The following AMD1 variants were observed in gnomAD, a reference collection of about 807,000 sequenced individuals.
AMD1 encodes the protein adenosylmethionine decarboxylase 1.
In AMD1, 11 loss-of-function variants were observed where a neutral mutation model predicts 40.2. That is an observed-to-expected ratio of 0.27 (90% CI 0.17 to 0.45). The LOEUF is 0.45. Among genes scored for constraint, AMD1 ranks in the 20% least tolerant of loss-of-function variants. The probability of loss-of-function intolerance (pLI) is 1.00; values close to 1 mark genes in which losing one functional copy is unlikely to be tolerated. For missense variants in AMD1, 257 were observed against 410.2 expected (o/e 0.63, Z 3.23); for synonymous variants, 121 against 130.8 (o/e 0.93, Z 0.51).
At chr6:110,830,718 C>G in the AMD1 span, among the ~76,000 whole-genome samples, 9 of 152,324 alleles carry the variant, frequency 5.9e-5, no homozygotes, top group East Asian at 1.7e-3. Flanking sequence ...TCTAACACCA[C>G]CAGCTTGCCC....
chr6:110,888,821 G>A (rs1180595037), intron 2 of AMD1, 36 bp from the exon 3 acceptor site: 1 of 1,597,942 alleles, frequency 6.3e-7, no homozygotes, highest in South Asian at 1.1e-5. Flanking sequence ...TAGTACATTA[G>A]TATTGTTATA....
chr6:110,847,959 C>T, the AMD1 span, among the ~76,000 whole-genome samples: 1 of 151,686 alleles, frequency 6.6e-6, no homozygotes, highest in African/African-American at 2.4e-5. Context: ...TGTGATCCGC[C>T]TGCCTCAGCC....
the AMD1 span, among the ~76,000 whole-genome samples, chr6:110,840,013 CT>C: frequency 0.071 from 6,613 of 92,828 alleles, 153 homozygotes; most frequent in African/African-American, 0.16. Context: ...GATTCTCTCT[CT>C]TTTTTTTTTT....
the AMD1 span, among the ~76,000 whole-genome samples, chr6:110,823,022 G>T: frequency 6.6e-6 from 1 of 152,184 alleles, no homozygotes; most frequent in African/African-American, 2.4e-5. Flanking sequence ...GGCTGAGGCA[G>T]GAAAATCACT....
At chr6:110,887,273 TAAGTA>T (rs1389131969) in intron 1 of AMD1, among the ~76,000 whole-genome samples, 1 of 150,360 alleles carries the variant, frequency 6.7e-6, no homozygotes, top group African/African-American at 2.4e-5. Context: ...TATTTTTCTT[TAAGTA>T]ATTTGTAAAT....
chr6:110,878,584 GT>G (rs1233904019), intron 1 of AMD1, among the ~76,000 whole-genome samples: 1 of 152,128 alleles, frequency 6.6e-6, no homozygotes, highest in Non-Finnish European at 1.5e-5. Context: ...GTAACCTGCA[GT>G]TTTCTCTGAT....
chr6:110,883,740 C>T (rs779515550), intron 1 of AMD1, among the ~76,000 whole-genome samples: 13 of 151,992 alleles, frequency 8.6e-5, no homozygotes, highest in African/African-American at 2.4e-4. Context: ...TACAGGTGCC[C>T]GCCACCATGC....
rs1361049585 is a variant in AMD1, at chr6:110,893,006, A to G, written c.805A>G (p.Arg269Gly). 4 of 1,614,026 alleles carry G rather than the reference A, an allele frequency of 2.5e-6. No individual in the cohort carries two copies. The highest frequency in any genetic ancestry group is 1.7e-5 in the Admixed American group (1 of 60,024). Reference sequence around the variant, plus strand: ...TCAGACCTCCTATGATGACCTGATCAGGAAAGTTGTAGAAGTCTTCAAGCC... The same window carrying G: ...TCAGACCTCCTATGATGACCTGATCGGGAAAGTTGTAGAAGTCTTCAAGCC... Reference protein sequence around the residue: ...LSQTSYDDLIRKVVEVFKPGK... With the variant: ...LSQTSYDDLIGKVVEVFKPGK... Residue 269 changes from arginine (R) to glycine (G), a missense_variant, in exon 8 of 9, where the codon AGG (arginine) becomes GGG (glycine). Arg to Gly is a moderately radical substitution (Grantham distance 125). Around this residue, in one of 3 missense-constraint regions of AMD1, gnomAD observed 192 missense variants for 296.5 expected, o/e 0.65. Coordinates refer to ENST00000368885, the MANE Select transcript of AMD1 (RefSeq NM_001634.6).
chr6:110,831,783 C>T, the AMD1 span, among the ~76,000 whole-genome samples: 1 of 152,168 alleles, frequency 6.6e-6, no homozygotes, highest in African/African-American at 2.4e-5. Flanking sequence ...CAACACTTTT[C>T]CCATAGGGGA....
the AMD1 span, among the ~76,000 whole-genome samples, chr6:110,867,797 A>C: frequency 6.6e-6 from 1 of 152,266 alleles, no homozygotes; most frequent in Admixed American, 6.5e-5. Flanking sequence ...GAAATAATGA[A>C]AGTGTTCATG....
intron 4 of AMD1, chr6:110,891,090 CAGT>C (rs1044029033): frequency 6.6e-6 from 1 of 152,190 alleles, no homozygotes; most frequent in Non-Finnish European, 1.5e-5. Context: ...ATGTCTCACT[CAGT>C]GGTTCTTTTT....
the AMD1 span, among the ~76,000 whole-genome samples, chr6:110,848,131 A>C: frequency 1.3e-5 from 2 of 152,202 alleles, no homozygotes; most frequent in Non-Finnish European, 2.9e-5. Context: ...GATTCCTGAA[A>C]ATATGAGCTG....
the AMD1 span, among the ~76,000 whole-genome samples, chr6:110,826,707 TG>T: frequency 8.4e-6 from 1 of 119,028 alleles, no homozygotes; most frequent in Non-Finnish European, 1.7e-5. Context: ...TTTTTTTTTG[TG>T]AGACGGAGTT....
the AMD1 span, chr6:110,815,310 G>GGCCACAGCA: frequency 1.6e-5 from 10 of 620,864 alleles, no homozygotes; most frequent in Non-Finnish European, 2.2e-5. Context: ...ACTCCTCGGC[G>GGCCACAGCA]GCCACAGCAG....
chr6:110,860,429 T>C, the AMD1 span, among the ~76,000 whole-genome samples: 8 of 152,168 alleles, frequency 5.3e-5, no homozygotes, highest in Admixed American at 2.0e-4. Flanking sequence ...GAATAAGCCA[T>C]AAACAGAAGT....
chr6:110,830,895 A>C, the AMD1 span, among the ~76,000 whole-genome samples: 2 of 152,118 alleles, frequency 1.3e-5, no homozygotes, highest in Non-Finnish European at 2.9e-5. Context: ...GAGTACAGGC[A>C]CATACCACCA....
intron 1 of AMD1, among the ~76,000 whole-genome samples, chr6:110,881,661 CA>C (rs532903964): frequency 6.1e-5 from 9 of 147,852 alleles, no homozygotes; most frequent in African/African-American, 1.7e-4. Flanking sequence ...ACTAAAAATA[CA>C]AAAAAAAAAT....
chr6:110,861,217 G>T, the AMD1 span, among the ~76,000 whole-genome samples: 1 of 152,092 alleles, frequency 6.6e-6, no homozygotes, highest in Non-Finnish European at 1.5e-5. Flanking sequence ...AATTAGCCGG[G>T]CGTAGTGGCG....
chr6:110,886,789 C>G (rs1052102588), intron 1 of AMD1, among the ~76,000 whole-genome samples: 2 of 152,156 alleles, frequency 1.3e-5, no homozygotes, highest in Non-Finnish European at 2.9e-5. Flanking sequence ...TAATATCTGT[C>G]ATGTTAAGCT....
Sources: allele counts gnomAD v4.1 joint callset (sites outside exome capture counted in the v4.1 genomes callset), GRCh38; gene constraint gnomAD v4.1.1; regional missense constraint gnomAD v4.1.1; transcripts MANE v1.5; gene names NCBI Gene and HGNC (gene_info 2026-07-23, HGNC 2026-07-21).